The following EFNA5 variants were observed in gnomAD, a reference collection of about 807,000 sequenced individuals.
EFNA5 encodes the protein ephrin A5.
In EFNA5, 5 loss-of-function variants were observed where a neutral mutation model predicts 22.9. The observed-to-expected ratio is 0.22, with a 90% CI of 0.11 to 0.46. The LOEUF is 0.46. Among genes scored for constraint, EFNA5 ranks in the 20% least tolerant of loss-of-function variants. EFNA5 has a pLI of 0.99. For synonymous variants in EFNA5, 113 were observed against 112.2 expected, an observed-to-expected ratio of 1.01 and a Z score of -0.04; for missense variants, 237 against 293.3, an observed-to-expected ratio of 0.81 and a Z score of 1.40.
intron 1 of EFNA5, among the ~76,000 whole-genome samples, chr5:107,502,053 G>A (rs27362): frequency 0.081 from 12,383 of 152,120 alleles, 1,081 homozygotes; most frequent in African/African-American, 0.19. Flanking sequence ...ATTGCCTACG[G>A]AAGTTAGTTA....
At chr5:107,421,809 T>TC (rs1481259445) in intron 2 of EFNA5, among the ~76,000 whole-genome samples, 1 of 151,740 alleles carries the variant, frequency 6.6e-6, no homozygotes, top group East Asian at 1.9e-4. Flanking sequence ...TTTTTTTTTT[T>TC]AGACAGAGTT....
chr5:107,507,270 G>A (rs1037485352), intron 1 of EFNA5, among the ~76,000 whole-genome samples: 1 of 152,202 alleles, frequency 6.6e-6, no homozygotes, highest in East Asian at 1.9e-4. Context: ...AAAGTTGTCA[G>A]TAAAATATGG....
intron 2 of EFNA5, among the ~76,000 whole-genome samples, chr5:107,409,686 T>G (rs764958632): frequency 6.6e-6 from 1 of 152,206 alleles, no homozygotes; most frequent in Non-Finnish European, 1.5e-5. Flanking sequence ...GTGCAGTAAC[T>G]AGTTATTGAA....
At chr5:107,612,101 A>T (rs1749828229) in intron 1 of EFNA5, among the ~76,000 whole-genome samples, 1 of 152,218 alleles carries the variant, frequency 6.6e-6, no homozygotes, top group Non-Finnish European at 1.5e-5. Context: ...ATTTGAACAT[A>T]AATTCTACCA....
chr5:107,389,194 T>G (rs1354233526), intron 2 of EFNA5, among the ~76,000 whole-genome samples: 1 of 152,236 alleles, frequency 6.6e-6, no homozygotes, highest in Non-Finnish European at 1.5e-5. Context: ...CAGCTGGCTT[T>G]GCTGTAGGCT....
intron 1 of EFNA5, among the ~76,000 whole-genome samples, chr5:107,515,901 G>T (rs866072790): frequency 6.6e-6 from 1 of 152,110 alleles, no homozygotes; most frequent in Non-Finnish European, 1.5e-5. Context: ...AATGAACAGG[G>T]TTTATTTTAC....
intron 1 of EFNA5, among the ~76,000 whole-genome samples, chr5:107,595,714 A>G (rs1378660333): frequency 6.6e-6 from 1 of 152,214 alleles, no homozygotes; most frequent in Non-Finnish European, 1.5e-5. Flanking sequence ...GAAGCCCAAG[A>G]TTCGGAATCA....
chr5:107,643,739 G>A (rs183941284), intron 1 of EFNA5, among the ~76,000 whole-genome samples: 93 of 151,892 alleles, frequency 6.1e-4, no homozygotes, highest in African/African-American at 2.2e-3. Context: ...TTTAGACAAG[G>A]GCAAGTTATC....
intron 1 of EFNA5, among the ~76,000 whole-genome samples, chr5:107,650,654 G>A (rs948960545): frequency 6.6e-6 from 1 of 152,156 alleles, no homozygotes; most frequent in Non-Finnish European, 1.5e-5. Context: ...GACTTTAAGT[G>A]AAATAATTTA....
chr5:107,405,762 T>C (rs1014153341), intron 2 of EFNA5, among the ~76,000 whole-genome samples: 1 of 151,824 alleles, frequency 6.6e-6, no homozygotes, highest in African/African-American at 2.4e-5. Flanking sequence ...CAGAGTGAAA[T>C]CCCAGATCCT....
intron 1 of EFNA5, among the ~76,000 whole-genome samples, chr5:107,496,329 T>C (rs1580494683): frequency 2.9e-5 from 3 of 104,892 alleles, no homozygotes; most frequent in African/African-American, 4.2e-5. Context: ...AGAGCAAAAT[T>C]CCATCTCAAA....
intron 1 of EFNA5, among the ~76,000 whole-genome samples, chr5:107,578,167 T>C (rs1748966524): frequency 6.6e-6 from 1 of 152,198 alleles, no homozygotes; most frequent in Non-Finnish European, 1.5e-5. Flanking sequence ...AACAAGAATT[T>C]ATTAAATGCT....
intron 1 of EFNA5, among the ~76,000 whole-genome samples, chr5:107,642,243 G>A (rs1028761625): frequency 6.6e-6 from 1 of 152,134 alleles, no homozygotes; most frequent in African/African-American, 2.4e-5. Flanking sequence ...TAGACAGAAG[G>A]AATAAGTTCA....
intron 1 of EFNA5, among the ~76,000 whole-genome samples, chr5:107,628,385 C>T (rs1310835772): frequency 6.6e-6 from 1 of 152,098 alleles, no homozygotes; most frequent in Non-Finnish European, 1.5e-5. Flanking sequence ...TCCTGTTAGA[C>T]ATAGCCTAAA....
At chr5:107,551,668 C>G (rs1184523266) in intron 1 of EFNA5, among the ~76,000 whole-genome samples, 1 of 152,126 alleles carries the variant, frequency 6.6e-6, no homozygotes. Context: ...CCCTACCAAA[C>G]AGGACACTTA....
chr5:107,613,885 A>G (rs1265682955), intron 1 of EFNA5, among the ~76,000 whole-genome samples: 1 of 152,180 alleles, frequency 6.6e-6, no homozygotes, highest in African/African-American at 2.4e-5. Flanking sequence ...AAAAGTTTTC[A>G]GAGCCTCCAA....
chr5:107,583,787 C>G (rs550864550), intron 1 of EFNA5, among the ~76,000 whole-genome samples: 1 of 152,150 alleles, frequency 6.6e-6, no homozygotes. Flanking sequence ...CCCATTAGTT[C>G]GATCAATCTT....
intron 1 of EFNA5, among the ~76,000 whole-genome samples, chr5:107,481,812 T>C (rs1033421627): frequency 6.8e-6 from 1 of 147,234 alleles, no homozygotes; most frequent in African/African-American, 2.6e-5. Flanking sequence ...ATCACCCCAT[T>C]GCACTGCAGC....
rs1273971514 is a variant in EFNA5, at chr5:107,588,781, GA to G, written c.125+81707del. Among the ~76,000 whole-genome samples the G allele has an allele frequency of 3.3e-5, 5 of 152,134 alleles. No homozygotes were observed. The East Asian group carries it at 9.6e-4, about 29-fold the overall frequency. On this transcript the variant is annotated intron_variant, in intron 1 of 4. Coordinates refer to ENST00000333274, the MANE Select transcript of EFNA5 (RefSeq NM_001962.3). ...TGTAGAGAGGGATAGGAAGAGAGAG[GA>G]AAAAGACTCATTTAAATTATCAACC... is the stretch of plus-strand genomic sequence containing the variant.
Sources: allele counts gnomAD v4.1 joint callset (sites outside exome capture counted in the v4.1 genomes callset), GRCh38; gene constraint gnomAD v4.1.1; transcripts MANE v1.5; gene names NCBI Gene and HGNC (gene_info 2026-07-23, HGNC 2026-07-21).